Variants in AUNIP observed in about 807,000 individuals in gnomAD.
AUNIP encodes the protein aurora kinase A and ninein interacting protein.
A neutral mutation model predicts 12.2 loss-of-function variants in AUNIP; 16 were observed. The ratio of observed to expected loss-of-function variants is 1.31; its 90% CI spans 0.88 to 1.99. The LOEUF (loss-of-function observed/expected upper bound fraction) is 1.99, where lower values mean the gene tolerates loss of function less well. AUNIP is among the 30% of genes most tolerant of loss of function. The pLI is 0.00. For synonymous variants in AUNIP, 142 were observed against 154.8 expected, an observed-to-expected ratio of 0.92 and a Z score of 0.61; for missense variants, 411 against 419.1, an observed-to-expected ratio of 0.98 and a Z score of 0.17.
rs775734343 is a variant in AUNIP at position 25,835,509 on chromosome 1, G to A, written c.558C>T (p.Asp186=). The change falls in exon 3 of 3, where the codon GAC becomes GAT. Residue 186 remains aspartate (D), a synonymous_variant. Coordinates refer to ENST00000374298, the MANE Select transcript of AUNIP (RefSeq NM_024037.3). ...CAGAATCCCCTTTTTCTTCCTTTCG[G>A]TCTAGCAAACAAGAACTTTCCAAGT... ...TEDLESSCLL[D]RKEEKGDSAR... 21 of 1,614,130 alleles carry A rather than the reference G, an allele frequency of 1.3e-5. No homozygotes were observed. The East Asian group carries it at 2.7e-4, about 21-fold the overall frequency.
chr1:25,836,642 G>A (rs926972788), intron 2 of AUNIP, among the ~76,000 whole-genome samples: 2 of 152,164 alleles, frequency 1.3e-5, no homozygotes, highest in African/African-American at 2.4e-5. Context: ...ACTAGGTTTT[G>A]TGAGAATTCT....
intron 1 of AUNIP, among the ~76,000 whole-genome samples, chr1:25,858,761 T>C (rs2048482692): frequency 6.6e-6 from 1 of 152,172 alleles, no homozygotes; most frequent in African/African-American, 2.4e-5. Context: ...GCTCAGTACA[T>C]AGGAGGCCAG....
intron 1 of AUNIP, among the ~76,000 whole-genome samples, chr1:25,848,544 G>GATA (rs962151696): frequency 6.7e-6 from 1 of 150,320 alleles, no homozygotes; most frequent in Non-Finnish European, 1.5e-5. Flanking sequence ...GCTCCTGAGA[G>GATA]ATAATCTCTA....
intron 1 of AUNIP, among the ~76,000 whole-genome samples, chr1:25,845,166 A>G (rs2124505478): frequency 6.6e-6 from 1 of 152,308 alleles, no homozygotes; most frequent in Non-Finnish European, 1.5e-5. Flanking sequence ...GCCTAGCCCT[A>G]AACTATGACA....
chr1:25,835,882 G>A (rs757167426), intron 2 of AUNIP, 36 bp from the exon 3 acceptor site: 1 of 1,599,104 alleles, frequency 6.3e-7, no homozygotes, highest in Non-Finnish European at 8.5e-7. Context: ...TTATTCTGCA[G>A]AAAAACTGCC....
chr1:25,832,597 C>A (rs2048260836), downstream of AUNIP: 1 of 175,320 alleles, frequency 5.7e-6, no homozygotes, highest in Non-Finnish European at 1.3e-5. Context: ...AACACATGGG[C>A]TACTGCTGGG....
chr1:25,859,322 G>T lies in AUNIP; in HGVS notation c.36C>A (p.Gly12=). ...TCAGCGCCGCCGCGTCCAGCCACAC[G>T]CCGCAGGCCTCCTCCTCGGGGCCTG... ...RRTGPEEEAC[G]VWLDAAALKR... The change falls in exon 1 of 3, where the codon GGC becomes GGA. Residue 12 remains glycine (G), a synonymous_variant. Coordinates refer to ENST00000374298, the MANE Select transcript of AUNIP (RefSeq NM_024037.3). 6.4e-7 allele frequency: 1 copy of T among 1,571,016 alleles called. No individual in the cohort carries two copies.
intron 1 of AUNIP, among the ~76,000 whole-genome samples, chr1:25,849,045 C>T (rs1355552995): frequency 6.6e-6 from 1 of 152,132 alleles, no homozygotes; most frequent in African/African-American, 2.4e-5. Flanking sequence ...GTTCTGGGGA[C>T]CCCCAAACTT....
intron 1 of AUNIP, among the ~76,000 whole-genome samples, chr1:25,851,488 T>C (rs1194730853): frequency 6.6e-6 from 1 of 152,236 alleles, no homozygotes; most frequent in Non-Finnish European, 1.5e-5. Context: ...AGAGAAACTA[T>C]CTGGACCTGG....
chr1:25,833,047 C>T (rs1392791406), downstream of AUNIP: 1 of 152,134 alleles, frequency 6.6e-6, no homozygotes, highest in African/African-American at 2.4e-5. Flanking sequence ...ACTGGCTTCT[C>T]CTCTTTCCTT....
chr1:25,838,222 A>C (rs1224538727), intron 1 of AUNIP, among the ~76,000 whole-genome samples: 1 of 146,620 alleles, frequency 6.8e-6, no homozygotes, highest in Non-Finnish European at 1.5e-5. Context: ...AAATTTAGTA[A>C]GGCCAGGCGT....
chr1:25,832,341 A>C, downstream of AUNIP: 1 of 649,536 alleles, frequency 1.5e-6, no homozygotes, highest in Non-Finnish European at 2.6e-6. Flanking sequence ...TAGGTCCTAA[A>C]TGACTGACTT....
downstream of AUNIP, chr1:25,831,954 T>A (rs575578562): frequency 8.9e-5 from 144 of 1,614,226 alleles, no homozygotes; most frequent in South Asian, 1.3e-3. Context: ...AAGACCCTGC[T>A]GTGCTTATCT....
chr1:25,832,295 AGTT>A (rs2048255879), downstream of AUNIP: 1 of 1,013,124 alleles, frequency 9.9e-7, no homozygotes, highest in Non-Finnish European at 1.4e-6. Context: ...GTAAGAGAGA[AGTT>A]GTTTCTGGTT....
chr1:25,859,037 C>T (rs2048485313), intron 1 of AUNIP, among the ~76,000 whole-genome samples: 1 of 152,136 alleles, frequency 6.6e-6, no homozygotes. Flanking sequence ...CCCCTCCCTG[C>T]GCACCGCTCC....
chr1:25,833,871 TGCCTTGGGTAG>T (rs2048275502), downstream of AUNIP: 1 of 332,658 alleles, frequency 3.0e-6, no homozygotes, highest in East Asian at 1.7e-4. Context: ...CAAGGAATAA[TGCCTTGGGTAG>T]AAGACAGGTC....
chr1:25,838,415 A>C (rs1169204075), intron 1 of AUNIP, among the ~76,000 whole-genome samples: 2 of 152,180 alleles, frequency 1.3e-5, no homozygotes, highest in Non-Finnish European at 2.9e-5. Context: ...AGGCAGAAGA[A>C]TCGCTTTAAC....
intron 1 of AUNIP, among the ~76,000 whole-genome samples, chr1:25,849,422 C>T (rs1354672002): frequency 6.6e-6 from 1 of 152,170 alleles, no homozygotes; most frequent in African/African-American, 2.4e-5. Flanking sequence ...TCATTCCCAT[C>T]CCACCCCAGG....
chr1:25,850,467 G>C (rs760742107), intron 1 of AUNIP, among the ~76,000 whole-genome samples: 39 of 152,188 alleles, frequency 2.6e-4, no homozygotes, highest in South Asian at 6.2e-4. Flanking sequence ...TCTGCAAAAA[G>C]GACAACTGAG....
Sources: allele counts gnomAD v4.1 joint callset (sites outside exome capture counted in the v4.1 genomes callset), GRCh38; gene constraint gnomAD v4.1.1; transcripts MANE v1.5; gene names NCBI Gene and HGNC (gene_info 2026-07-23, HGNC 2026-07-21).